CLASP2: variants seen among roughly 807,000 people sequenced by gnomAD.
CLASP2 encodes the protein CLIP-associating protein 2.
In CLASP2, 47 loss-of-function variants were observed where a neutral mutation model predicts 194.4. The ratio of observed to expected loss-of-function variants is 0.24; its 90% CI spans 0.19 to 0.31. CLASP2 has a LOEUF of 0.31. CLASP2 is among the 10% of genes least tolerant of loss of function. The pLI is 1.00. For missense variants in CLASP2, 1,445 were observed against 1,823.6 expected, an observed-to-expected ratio of 0.79 and a Z score of 3.78; for synonymous variants, 619 against 633.5, an observed-to-expected ratio of 0.98 and a Z score of 0.34.
chr3:33,538,730 T>A (rs1242022765), intron 33 of CLASP2, 59 bp downstream of exon 33: 2 of 1,352,604 alleles, frequency 1.5e-6, no homozygotes, highest in Non-Finnish European at 1.9e-6. Flanking sequence ...AAATGTAATT[T>A]AAAAAATTAT....
At chr3:33,645,929 T>TATACACACACAC (rs893744534) in intron 7 of CLASP2, among the ~76,000 whole-genome samples, 1 of 135,118 alleles carries the variant, frequency 7.4e-6, no homozygotes, top group Non-Finnish European at 1.6e-5. Flanking sequence ...TCTCCCAGCA[T>TATACACACACAC]ACACACACAC....
At chr3:33,685,369 T>A (rs79665827) in intron 5 of CLASP2, among the ~76,000 whole-genome samples, 227 of 92,474 alleles carry the variant, frequency 2.5e-3, no homozygotes, top group East Asian at 5.6e-3. Context: ...AAAAAAAAAA[T>A]CCTATCTGTA....
At chr3:33,716,071 T>G (rs2093283484) in intron 1 of CLASP2, among the ~76,000 whole-genome samples, 1 of 152,132 alleles carries the variant, frequency 6.6e-6, no homozygotes, top group Admixed American at 6.5e-5. Context: ...ATCTAATACT[T>G]TCGTGGAGGG....
intron 12 of CLASP2, among the ~76,000 whole-genome samples, chr3:33,614,593 T>C (rs1461196498): frequency 6.6e-6 from 1 of 152,134 alleles, no homozygotes; most frequent in Non-Finnish European, 1.5e-5. Flanking sequence ...GGTTGCTTGG[T>C]AGTGGTGGTG....
chr3:33,616,342 A>AGAACAATATATTAAC (rs2076155812), intron 12 of CLASP2, among the ~76,000 whole-genome samples: 1 of 152,168 alleles, frequency 6.6e-6, no homozygotes, highest in African/African-American at 2.4e-5. Flanking sequence ...CCCTAATAGC[A>AGAACAATATATTAAC]GAACAATATA....
intron 9 of CLASP2, among the ~76,000 whole-genome samples, chr3:33,629,860 C>T (rs367885675): frequency 6.7e-6 from 1 of 149,312 alleles, no homozygotes; most frequent in African/African-American, 2.5e-5. Flanking sequence ...TGCAAGAAAC[C>T]ATGGTTATCA....
rs765153363 is a variant in CLASP2 at position 33,644,883 on chromosome 3, C to G, written c.736G>C (p.Glu246Gln). Residue 246 changes from glutamate (E) to glutamine (Q), a missense_variant, in exon 8 of 39, where the codon GAA becomes CAA. Transcript: ENST00000682230. ...GATGGCCTATTTCCATCCACTGATT[C>G]TTCATCATCGAAGCTTTTATCTGCA... The part of the protein sequence containing the change: ...VCKDKSFDDE[E>Q]SVDGNRPSSA... 1.2e-6 allele frequency: 2 copies of G among 1,601,620 alleles called. No individual in the cohort carries two copies. Among genetic ancestry groups the G allele is most frequent in the East Asian group, 2.2e-5 (1 of 44,652 alleles).
At chr3:33,570,680 C>T (rs1344385162) in intron 26 of CLASP2, 47 bp downstream of exon 26, 7 of 1,572,142 alleles carry the variant, frequency 4.5e-6, no homozygotes, top group Non-Finnish European at 6.0e-6. Context: ...TGACAATATA[C>T]AAATGATACC....
intron 6 of CLASP2, among the ~76,000 whole-genome samples, chr3:33,672,795 G>A (rs986047174): frequency 6.6e-6 from 1 of 152,222 alleles, no homozygotes; most frequent in Non-Finnish European, 1.5e-5. Flanking sequence ...CATGAAAAAT[G>A]CAGAAGCCTC....
intron 34 of CLASP2, among the ~76,000 whole-genome samples, chr3:33,529,011 C>T (rs1325610267): frequency 6.6e-6 from 1 of 152,144 alleles, no homozygotes; most frequent in Non-Finnish European, 1.5e-5. Flanking sequence ...AAATCACTAG[C>T]ATTCCTATAC....
intron 20 of CLASP2, among the ~76,000 whole-genome samples, chr3:33,594,651 C>T (rs1291067464): frequency 6.6e-6 from 1 of 150,738 alleles, no homozygotes; most frequent in Non-Finnish European, 1.5e-5. Flanking sequence ...AATGTCACTA[C>T]TATAAAAAAT....
intron 5 of CLASP2, among the ~76,000 whole-genome samples, chr3:33,685,834 G>T: frequency 6.6e-6 from 1 of 151,820 alleles, no homozygotes; most frequent in African/African-American, 2.4e-5. Flanking sequence ...GGGGTGTGAC[G>T]GGGGACTGCC....
chr3:33,661,521 G>A (rs1382614557), intron 7 of CLASP2, among the ~76,000 whole-genome samples: 1 of 152,210 alleles, frequency 6.6e-6, no homozygotes, highest in Non-Finnish European at 1.5e-5. Context: ...TGTTTGATCA[G>A]TTAGAATAGG....
chr3:33,657,215 T>C (rs930867162), intron 7 of CLASP2, among the ~76,000 whole-genome samples: 7 of 152,160 alleles, frequency 4.6e-5, no homozygotes, highest in Non-Finnish European at 7.4e-5. Context: ...TCTGGTATAG[T>C]GTATGTGCAC....
chr3:33,604,961 C>A (rs1302567747), intron 16 of CLASP2, among the ~76,000 whole-genome samples: 1 of 152,184 alleles, frequency 6.6e-6, no homozygotes. Flanking sequence ...TTGTAATGTC[C>A]GTGTAATGTT....
chr3:33,671,877 G>A (rs1028163916), intron 6 of CLASP2, among the ~76,000 whole-genome samples: 1 of 152,186 alleles, frequency 6.6e-6, no homozygotes, highest in African/African-American at 2.4e-5. Context: ...CAAGGCGGCA[G>A]CGAGGCTGGG....
chr3:33,535,929 A>G (rs1292280800), intron 33 of CLASP2, among the ~76,000 whole-genome samples: 4 of 152,100 alleles, frequency 2.6e-5, no homozygotes, highest in African/African-American at 7.2e-5. Flanking sequence ...AGGAGAAAAA[A>G]AAAAAAAAGA....
chr3:33,557,804 A>G (rs529112134), intron 29 of CLASP2, among the ~76,000 whole-genome samples: 1 of 152,226 alleles, frequency 6.6e-6, no homozygotes, highest in African/African-American at 2.4e-5. Flanking sequence ...TAAGAAAACA[A>G]CATTATATTG....
At chr3:33,626,335 A>C (rs2078045861) in intron 10 of CLASP2, among the ~76,000 whole-genome samples, 1 of 152,146 alleles carries the variant, frequency 6.6e-6, no homozygotes, top group Non-Finnish European at 1.5e-5. Context: ...GAAAACTCTG[A>C]GGTACTCATT....
Sources: allele counts gnomAD v4.1 joint callset (sites outside exome capture counted in the v4.1 genomes callset), GRCh38; gene constraint gnomAD v4.1.1; transcripts MANE v1.5; gene names NCBI Gene and HGNC (gene_info 2026-07-23, HGNC 2026-07-21).